The following CYLD variants were observed in gnomAD, a reference collection of about 807,000 sequenced individuals.
CYLD encodes CYLD lysine 63 deubiquitinase.
Under a neutral mutation model 104.5 loss-of-function variants are expected in CYLD, and 26 were observed. The observed-to-expected ratio is 0.25, with a 90% CI of 0.18 to 0.35. CYLD has a LOEUF of 0.35. Ranked by LOEUF, CYLD falls within the 10% of genes least tolerant of loss-of-function variation. The pLI is 1.00. For synonymous variants in CYLD, 385 were observed against 399.9 expected (o/e 0.96, Z 0.45); for missense variants, 703 against 1,136.1 (o/e 0.62, Z 5.48).
chr16:50,742,357 GGCCGGGCCCGCGGGTTGCCGAGCCC>G (rs1965751838), intron 1 of CYLD: 1 of 153,104 alleles, frequency 6.5e-6, no homozygotes, highest in South Asian at 2.1e-4. Context: ...GGCCCGAGCC[GGCCGGGCCCGCGGGTTGCCGAGCCC>G]GCTGACGTCA....
chr16:50,756,735 C>T (rs1967286993), intron 5 of CYLD, among the ~76,000 whole-genome samples: 1 of 152,086 alleles, frequency 6.6e-6, no homozygotes, highest in Non-Finnish European at 1.5e-5. Context: ...TGTACCAGGC[C>T]CTGAGTTAGA....
intron 14 of CYLD, 146 bp downstream of exon 14, chr16:50,787,998 G>T (rs1017175555): frequency 7.3e-6 from 4 of 548,618 alleles, no homozygotes; most frequent in Non-Finnish European, 1.3e-5. Flanking sequence ...TATCATGCAA[G>T]TTAATTTTAT....
intron 5 of CYLD, among the ~76,000 whole-genome samples, chr16:50,755,244 CAT>C (rs776146701): frequency 4.3e-4 from 65 of 150,886 alleles, no homozygotes; most frequent in Non-Finnish European, 4.3e-4. Context: ...TATATACACA[CAT>C]ATGTGTACTA....
chr16:50,745,541 G>T (rs1966119007), intron 2 of CYLD, among the ~76,000 whole-genome samples: 1 of 151,276 alleles, frequency 6.6e-6, no homozygotes, highest in South Asian at 2.1e-4. Context: ...ACCACACCCG[G>T]CTAATTTTCT....
intron 12 of CYLD, chr16:50,785,701 G>T (rs1970743705): frequency 6.6e-6 from 1 of 152,162 alleles, no homozygotes; most frequent in African/African-American, 2.4e-5. Context: ...CCTGTCCACG[G>T]TAAGAAACTG....
chr16:50,786,166 T>G (rs1956733901), intron 12 of CYLD: 1 of 152,220 alleles, frequency 6.6e-6, no homozygotes, highest in Non-Finnish European at 1.5e-5. Flanking sequence ...CTTTCCCATT[T>G]CCCTTGGTGG....
At position 50,797,750 on chromosome 16, in the gene CYLD, A is replaced by C. The variant is rs150937990; in HGVS notation, c.*1242A>C. 3.9e-5 allele frequency: 9 copies of C among 232,742 alleles called. No individual in the cohort carries two copies. The highest frequency in any genetic ancestry group is 7.6e-5 in the Non-Finnish European group (9 of 117,670). 14.4% of individuals were successfully genotyped at this position (232,742 alleles called of 1,614,324 possible). On this transcript the variant is annotated 3_prime_UTR_variant, in exon 19 of 19. Transcript: ENST00000427738. Reference sequence around the variant, plus strand: ...AAGGCAGAAAAGTCATCATATGTATATGTCATATGACTTTATAAAATATTT... The same window carrying C: ...AAGGCAGAAAAGTCATCATATGTATCTGTCATATGACTTTATAAAATATTT...
intron 5 of CYLD, among the ~76,000 whole-genome samples, chr16:50,763,299 T>G (rs1239559210): frequency 6.6e-6 from 1 of 152,222 alleles, no homozygotes; most frequent in East Asian, 1.9e-4. Flanking sequence ...TTTTTCACCT[T>G]TTGGCTAAAA....
intron 5 of CYLD, among the ~76,000 whole-genome samples, chr16:50,773,030 C>T (rs1241092511): frequency 6.6e-6 from 1 of 152,170 alleles, no homozygotes; most frequent in Non-Finnish European, 1.5e-5. Flanking sequence ...TAGGATATTT[C>T]TGGCATCGGG....
At position 50,784,428 on chromosome 16, in the gene CYLD, A is replaced by C. The variant is rs1410170482; in HGVS notation, c.1926A>C (p.Thr642=). Residue 642 remains threonine (T), a synonymous_variant, in exon 12 of 19, where the codon ACA becomes ACC. Coordinates refer to ENST00000427738, the MANE Select transcript of CYLD (RefSeq NM_001378743.1). ...GTGAAACCCAAGAGCTACTGAGGAC[A>C]GAAATTGTTAATCCTCTGAGAATGT... ...YYSETQELLR[T]EIVNPLRIYG... is the part of the protein sequence containing the mutation. 6.2e-7 allele frequency: 1 copy of C among 1,613,348 alleles called. No homozygotes were observed. The highest frequency in any genetic ancestry group is 2.2e-5 in the East Asian group (1 of 44,776).
chr16:50,782,915 GAT>G (rs1491152231), intron 11 of CYLD, among the ~76,000 whole-genome samples: 2 of 103,576 alleles, frequency 1.9e-5, no homozygotes, highest in East Asian at 5.2e-4. Context: ...AACAACTTAA[GAT>G]TTTTTTTTTT....
intron 4 of CYLD, 141 bp from the exon 5 acceptor site, chr16:50,754,178 A>G: frequency 5.9e-6 from 4 of 675,670 alleles, no homozygotes; most frequent in South Asian, 5.3e-5. Flanking sequence ...AACTATTCCT[A>G]ATGTATTCTT....
At position 50,763,722 on chromosome 16, in the gene CYLD, T is replaced by C. The variant is rs1968197987; in HGVS notation, c.913+9298T>C. On this transcript the variant is annotated intron_variant, in intron 5 of 18. Transcript: ENST00000427738. ...ACAGTTTTGCCTCTTCTGAATTCTT[T>C]TATTTTTAAAAATGGTTTCTTACTG... 5.9e-5 allele frequency among the ~76,000 whole-genome samples: 9 copies of C among 152,330 alleles called. No individual in the cohort carries two copies. In the South Asian group the frequency reaches 1.9e-3, roughly 32 times the overall value.
chr16:50,754,201 G>A, intron 4 of CYLD, 118 bp from the exon 5 acceptor site: 2 of 733,806 alleles, frequency 2.7e-6, no homozygotes, highest in Non-Finnish European at 4.8e-6. Context: ...TTTCTTTTAG[G>A]TAAAATTGTT....
rs1196802967 is a variant in CYLD, at chr16:50,777,810, T to C, written c.1022-15T>C. ...TTGACTTTATTTTTAAATGAAACTT[T>C]TCTTGTTCCTATAGGATCTACCTCA... On this transcript the variant is annotated splice_polypyrimidine_tract_variant and intron_variant, in intron 7 of 18. Coordinates refer to ENST00000427738, the MANE Select transcript of CYLD (RefSeq NM_001378743.1). The C allele has an allele frequency of 7.2e-7, 1 of 1,397,972 alleles. No individual in the cohort carries two copies. Among genetic ancestry groups the C allele is most frequent in the Admixed American group, 1.7e-5 (1 of 59,156 alleles). The allele number at this position is 1,397,972 out of a possible 1,614,324, so 86.6% of individuals were successfully genotyped here.
intron 18 of CYLD, chr16:50,795,034 C>T (rs1275035933): frequency 6.1e-6 from 1 of 164,164 alleles, no homozygotes; most frequent in Non-Finnish European, 1.3e-5. Context: ...CTTTCAGGCC[C>T]CTCTCATTTT....
chr16:50,757,831 C>T (rs998324375), intron 5 of CYLD, among the ~76,000 whole-genome samples: 5 of 152,116 alleles, frequency 3.3e-5, no homozygotes, highest in South Asian at 2.1e-4. Context: ...CCACTGCGCC[C>T]GGCCTAGTTT....
intron 5 of CYLD, among the ~76,000 whole-genome samples, chr16:50,768,476 T>C (rs1245659503): frequency 6.6e-6 from 1 of 152,178 alleles, no homozygotes; most frequent in Non-Finnish European, 1.5e-5. Flanking sequence ...TTCAGAGCAG[T>C]TGAATGGCTG....
At chr16:50,788,123 C>G (rs1036880756) in intron 14 of CYLD, among the ~76,000 whole-genome samples, 2 of 152,076 alleles carry the variant, frequency 1.3e-5, no homozygotes, top group African/African-American at 4.8e-5. Flanking sequence ...TCTTTTGAAA[C>G]TGTATATATA....
Sources: allele counts gnomAD v4.1 joint callset (sites outside exome capture counted in the v4.1 genomes callset), GRCh38; gene constraint gnomAD v4.1.1; transcripts MANE v1.5; gene names NCBI Gene and HGNC (gene_info 2026-07-23, HGNC 2026-07-21).